The following HAS3 variants were observed in gnomAD, a reference collection of about 807,000 sequenced individuals.
HAS3 encodes hyaluronan synthase 3.
HAS3 carries 27 observed loss-of-function variants against 50.3 expected under a neutral mutation model. That is an observed-to-expected ratio of 0.54 (90% CI 0.40 to 0.74). The LOEUF (loss-of-function observed/expected upper bound fraction) is 0.74. HAS3 is among the 30% of genes least tolerant of loss of function. The pLI is 0.00. For missense variants in HAS3, 517 were observed against 742.8 expected (o/e 0.70, Z 3.53); for synonymous variants, 339 against 310.9 (o/e 1.09, Z -0.95).
At chr16:69,091,836 G>A in the HAS3 span, among the ~76,000 whole-genome samples, 1 of 152,164 alleles carries the variant, frequency 6.6e-6, no homozygotes, top group Non-Finnish European at 1.5e-5. Context: ...TCTGCCCTTG[G>A]TGTATAGGGT....
rs1049248289 is a variant in HAS3, at chr16:69,114,233, G to C, written c.739-110G>C. The C allele has an allele frequency of 1.4e-6, 2 of 1,481,370 alleles. No homozygotes were observed. Among genetic ancestry groups the C allele is most frequent in the Non-Finnish European group, 1.8e-6 (2 of 1,117,900 alleles). The allele number at this position is 1,481,370 out of a possible 1,614,324, so 91.8% of individuals were successfully genotyped here. A position where few individuals can be genotyped will look rare whatever the true frequency, so the allele number is the denominator to read the frequency against. On this transcript the variant is annotated intron_variant, in intron 3 of 3. Coordinates refer to ENST00000569188, the MANE Select transcript of HAS3 (RefSeq NM_001199280.2). The surrounding 1 kb of genome is among the most constrained non-coding windows in gnomAD (Gnocchi z 6.4). Reference sequence around the variant, plus strand: ...CAGCTCCAAAGGAACCGATGGCCAGGAATCTAAGCAGCGGGCCACAGAAGC... The same window carrying C: ...CAGCTCCAAAGGAACCGATGGCCAGCAATCTAAGCAGCGGGCCACAGAAGC...
the HAS3 span, among the ~76,000 whole-genome samples, chr16:69,096,083 G>C: frequency 2.0e-5 from 3 of 151,812 alleles, no homozygotes; most frequent in African/African-American, 7.3e-5. Context: ...GGGCACACTG[G>C]TGCGTGCCTG....
chr16:69,104,992 G>GGTTTTTTTTT (rs1567576954), upstream of HAS3, among the ~76,000 whole-genome samples: 3 of 81,958 alleles, frequency 3.7e-5, no homozygotes, highest in Non-Finnish European at 6.8e-5. Flanking sequence ...CTGTTTTTTG[G>GGTTTTTTTTT]TTTTTTTTTT....
At chr16:69,104,876 C>T (rs1294421277), upstream of HAS3, among the ~76,000 whole-genome samples, 2 of 150,848 alleles carry the variant, frequency 1.3e-5, no homozygotes, top group Admixed American at 6.6e-5. Context: ...CTAAAACTTG[C>T]GAGAGGAGAA....
chr16:69,117,965 C>T (rs536176796), downstream of HAS3: 79 of 224,514 alleles, frequency 3.5e-4, no homozygotes, highest in African/African-American at 1.7e-3. Flanking sequence ...GCAGAGGAAA[C>T]TTCCTTCCCT....
the HAS3 span, among the ~76,000 whole-genome samples, chr16:69,088,411 T>C: frequency 6.6e-6 from 1 of 151,272 alleles, no homozygotes; most frequent in Non-Finnish European, 1.5e-5. Context: ...AATACAAAAA[T>C]TAGGCAGGTG....
In HAS3 at chr16:69,109,459, C is replaced by T; in HGVS notation, c.64C>T (p.Leu22=). The change falls in exon 2 of 4, where the codon CTG becomes TTG. Residue 22 remains leucine, a synonymous_variant. Transcript: ENST00000569188. The surrounding 1 kb of genome is among the most constrained non-coding windows in gnomAD (Gnocchi z 5.3). ...CACCAGCCTGTTTGCCCTGGCAGTG[C>T]TGGGTGGCATCCTGGCAGCCTATGT... ...VGTSLFALAV[L]GGILAAYVTG... The T allele has an allele frequency of 1.2e-6, 2 of 1,613,570 alleles. No individual in the cohort carries two copies. The highest frequency in any genetic ancestry group is 1.7e-6 in the Non-Finnish European group (2 of 1,180,002).
At position 69,116,327 on chromosome 16, in the gene HAS3, C is replaced by G. The variant is rs577856933; in HGVS notation, c.*1061C>G. The G allele has an allele frequency of 4.8e-5, 47 of 985,818 alleles. No homozygotes were observed. The highest frequency in any genetic ancestry group is 5.7e-5 in the Non-Finnish European group (47 of 829,896). 61.1% of individuals were successfully genotyped at this position (985,818 alleles called of 1,614,324 possible). A position where few individuals can be genotyped will look rare whatever the true frequency, so the allele number is the denominator to read the frequency against. On this transcript the variant is annotated 3_prime_UTR_variant, in exon 4 of 4. Coordinates refer to ENST00000569188, the MANE Select transcript of HAS3 (RefSeq NM_001199280.2). ...TATAGAAGCTTCAGCAGGAGGCAAGCGTGTTCTCAGCACATATGGGAACTA... is the reference window on the plus strand; with the variant it reads ...TATAGAAGCTTCAGCAGGAGGCAAGGGTGTTCTCAGCACATATGGGAACTA...
chr16:69,088,557 C>CA, the HAS3 span, among the ~76,000 whole-genome samples: 3,395 of 51,712 alleles, frequency 0.066, 183 homozygotes, highest in African/African-American at 0.18. Flanking sequence ...GACTCCATCT[C>CA]AAAAAAAAAA....
rs74025372 is a variant in HAS3, at chr16:69,114,223, C to A, written c.739-120C>A. 1.8e-3 allele frequency: 2,586 copies of A among 1,452,508 alleles called. 31 individuals are homozygous for A. In the African/African-American group the frequency reaches 0.027, roughly 15 times the overall value. The allele number at this position is 1,452,508 out of a possible 1,614,324, so 90.0% of individuals were successfully genotyped here. ...TCAGGTTTCCCAGCTCCAAAGGAAC[C>A]GATGGCCAGGAATCTAAGCAGCGGG... is the stretch of plus-strand genomic sequence containing the variant. On this transcript the variant is annotated intron_variant, in intron 3 of 3. Coordinates refer to ENST00000569188, the MANE Select transcript of HAS3 (RefSeq NM_001199280.2). This position sits in a 1 kb window ranked among gnomAD's most constrained non-coding sequence, Gnocchi z 6.4.
rs1961077173 is a variant in HAS3, at chr16:69,113,499, T to C, written c.695T>C (p.Leu232Pro). The C allele has an allele frequency of 6.2e-7, 1 of 1,613,158 alleles. No individual in the cohort carries two copies. Among genetic ancestry groups the C allele is most frequent in the Non-Finnish European group, 8.5e-7 (1 of 1,179,492 alleles). Reference protein sequence around the residue: ...PACTIEMLRVLEEDPQVGGVG... With the variant: ...PACTIEMLRVPEEDPQVGGVG... ...TGCACCATCGAGATGCTTCGAGTCC[T>C]GGAGGAGGATCCCCAAGTAGGGGGA... The change falls in exon 3 of 4, where the codon CTG (leucine) becomes CCG (proline). Residue 232 changes from leucine (L) to proline (P), a missense_variant. Coordinates refer to ENST00000569188, the MANE Select transcript of HAS3 (RefSeq NM_001199280.2).
chr16:69,109,920 G>A lies in HAS3; in HGVS notation c.525G>A (p.Arg175=). ...ASLQEGMDRV[R]DVVRASTFSC... ...TGCAGGAGGGCATGGACCGTGTGCGGGATGTGGTGCGGGCCAGCACCTTCT... is the reference window on the plus strand; with the variant it reads ...TGCAGGAGGGCATGGACCGTGTGCGAGATGTGGTGCGGGCCAGCACCTTCT... The change falls in exon 2 of 4, where the codon CGG becomes CGA. Residue 175 remains arginine (R), a synonymous_variant. Transcript: ENST00000569188. The surrounding 1 kb of genome is among the most constrained non-coding windows in gnomAD (Gnocchi z 5.3). 2 of 1,614,124 alleles carry A rather than the reference G, an allele frequency of 1.2e-6. No homozygotes were observed. The highest frequency in any genetic ancestry group is 1.7e-6 in the Non-Finnish European group (2 of 1,180,024).
chr16:69,092,884 T>C, the HAS3 span, among the ~76,000 whole-genome samples: 1 of 152,288 alleles, frequency 6.6e-6, no homozygotes, highest in East Asian at 1.9e-4. Flanking sequence ...CCTCTTGAGT[T>C]TGACCTTGTA....
At chr16:69,091,615 G>A in the HAS3 span, among the ~76,000 whole-genome samples, 1 of 152,108 alleles carries the variant, frequency 6.6e-6, no homozygotes, top group East Asian at 1.9e-4. Flanking sequence ...GGACTAGGAA[G>A]CCTTCAGGGC....
chr16:69,107,216 T>G lies in HAS3; in HGVS notation c.-1+1429T>G. On this transcript the variant is annotated intron_variant, in intron 1 of 3. Transcript: ENST00000569188. This position sits in a 1 kb window ranked among gnomAD's most constrained non-coding sequence, Gnocchi z 5.5. The stretch of plus-strand genomic sequence containing the variant: ...GACCACAGCCTGCACCAGCGCCTGA[T>G]TGCACGTGGGGTATCTGGCTGAGGG... The G allele has an allele frequency of 1.6e-5, 8 of 489,088 alleles. No individual in the cohort carries two copies. Among genetic ancestry groups the G allele is most frequent in the Non-Finnish European group, 1.9e-5 (7 of 376,560 alleles). The allele number at this position is 489,088 out of a possible 1,614,324, so 30.3% of individuals were successfully genotyped here.
chr16:69,115,281 A>AT lies in HAS3; in HGVS notation c.*15_*16insT. On this transcript the variant is annotated 3_prime_UTR_variant, in exon 4 of 4. Coordinates refer to ENST00000569188, the MANE Select transcript of HAS3 (RefSeq NM_001199280.2). ...CTGAGGTGTGACATGGCCCCCAAGCAGAGCGGGTAAAGTGCAATGGGTAAG... is the reference window on the plus strand; with the variant it reads ...CTGAGGTGTGACATGGCCCCCAAGCATGAGCGGGTAAAGTGCAATGGGTAAG... The AT allele has an allele frequency of 6.6e-7, 1 of 1,509,938 alleles. No homozygotes were observed. The highest frequency in any genetic ancestry group is 2.3e-5 in the East Asian group (1 of 43,810). 93.5% of individuals were successfully genotyped at this position (1,509,938 alleles called of 1,614,324 possible). A position where few individuals can be genotyped will look rare whatever the true frequency, so the allele number is the denominator to read the frequency against.
At chr16:69,086,807 G>A in the HAS3 span, among the ~76,000 whole-genome samples, 6 of 152,182 alleles carry the variant, frequency 3.9e-5, no homozygotes, top group Non-Finnish European at 7.3e-5. Context: ...AGGAGGCTGA[G>A]GCGGGAGAAT....
chr16:69,105,360 C>CA (rs1016903448), upstream of HAS3, among the ~76,000 whole-genome samples: 8 of 152,228 alleles, frequency 5.3e-5, no homozygotes, highest in Non-Finnish European at 1.2e-4. Context: ...CAGTGCACCC[C>CA]AACTCACTTC....
Position 69,115,294 on chromosome 16 carries a change from T to G in HAS3, c.*28T>G. 1 of 1,503,248 alleles carries G rather than the reference T, an allele frequency of 6.7e-7. No homozygotes were observed. Among genetic ancestry groups the G allele is most frequent in the Non-Finnish European group, 8.9e-7 (1 of 1,129,384 alleles). The allele number at this position is 1,503,248 out of a possible 1,614,324, so 93.1% of individuals were successfully genotyped here. On this transcript the variant is annotated 3_prime_UTR_variant, in exon 4 of 4. Transcript: ENST00000569188. ...TGGCCCCCAAGCAGAGCGGGTAAAG[T>G]GCAATGGGTAAGGGAGGGAAGGGGA...
Sources: gnomAD v4.1 joint callset for allele counts (sites outside exome capture counted in the v4.1 genomes callset) on GRCh38, gnomAD v4.1.1 for gene constraint, Gnocchi (gnomAD v3.1) non-coding constraint, MANE v1.5 for transcripts, NCBI Gene and HGNC (gene_info 2026-07-23, HGNC 2026-07-21) for gene names.